The following FAT3 variants were observed in gnomAD, a reference collection of about 807,000 sequenced individuals.
The protein encoded by FAT3 is protocadherin Fat 3.
In FAT3, 95 loss-of-function variants were observed where a neutral mutation model predicts 310.2. The observed-to-expected ratio is 0.31, with a 90% CI of 0.26 to 0.36. The LOEUF (loss-of-function observed/expected upper bound fraction) is 0.36. Ranked by LOEUF, FAT3 falls within the 10% of genes least tolerant of loss-of-function variation. FAT3 has a pLI of 1.00. For synonymous variants in FAT3, 2,314 were observed against 2,192.9 expected (o/e 1.06, Z -1.54); for missense variants, 5,408 against 5,715.6 (o/e 0.95, Z 1.74).
At chr11:92,788,682 A>G (rs1331189744) in intron 7 of FAT3, among the ~76,000 whole-genome samples, 1 of 152,150 alleles carries the variant, frequency 6.6e-6, no homozygotes, top group African/African-American at 2.4e-5. Flanking sequence ...TTTGTCAAAG[A>G]AAAAGAAACA....
At chr11:92,262,922 G>C (rs1383884165) in intron 1 of FAT3, among the ~76,000 whole-genome samples, 1 of 151,956 alleles carries the variant, frequency 6.6e-6, no homozygotes, top group Non-Finnish European at 1.5e-5. Flanking sequence ...TGTCGTCAAG[G>C]TGGCTACCGA....
intron 1 of FAT3, among the ~76,000 whole-genome samples, chr11:92,351,385 CA>C (rs1948562253): frequency 6.6e-6 from 1 of 152,078 alleles, no homozygotes; most frequent in Admixed American, 6.6e-5. Flanking sequence ...GAACAATGTT[CA>C]TTGAAGAAAA....
At chr11:92,533,610 A>C (rs1464503423) in intron 3 of FAT3, among the ~76,000 whole-genome samples, 1 of 152,202 alleles carries the variant, frequency 6.6e-6, no homozygotes, top group African/African-American at 2.4e-5. Context: ...GAAGAGAGGA[A>C]TCAGCAGTCA....
chr11:92,317,767 G>A (rs569154801), intron 1 of FAT3, among the ~76,000 whole-genome samples: 2 of 152,240 alleles, frequency 1.3e-5, no homozygotes, highest in South Asian at 2.1e-4. Context: ...GATCAAAGTG[G>A]GGGCACTGGT....
chr11:92,479,352 A>G (rs1198371156), intron 2 of FAT3, among the ~76,000 whole-genome samples: 3 of 151,974 alleles, frequency 2.0e-5, no homozygotes, highest in African/African-American at 7.2e-5. Flanking sequence ...TAAAATGTTC[A>G]GTGACTTGCC....
chr11:92,285,037 T>C (rs2134376087), intron 1 of FAT3, among the ~76,000 whole-genome samples: 1 of 152,262 alleles, frequency 6.6e-6, no homozygotes, highest in Middle Eastern at 3.4e-3. Context: ...TCTGGTTCCT[T>C]CCCTCAGTGG....
At chr11:92,717,780 A>G (rs1219502235) in intron 4 of FAT3, among the ~76,000 whole-genome samples, 2 of 152,176 alleles carry the variant, frequency 1.3e-5, no homozygotes, top group Non-Finnish European at 1.5e-5. Flanking sequence ...GACAAAGATG[A>G]GTAAGATTTG....
chr11:92,297,654 T>C (rs1778385404), intron 1 of FAT3, among the ~76,000 whole-genome samples: 1 of 152,160 alleles, frequency 6.6e-6, no homozygotes, highest in Admixed American at 6.6e-5. Flanking sequence ...ATGACAATTT[T>C]CTAAGCCTGC....
At chr11:92,620,545 G>C (rs1941037905) in intron 3 of FAT3, among the ~76,000 whole-genome samples, 1 of 151,940 alleles carries the variant, frequency 6.6e-6, no homozygotes, top group Non-Finnish European at 1.5e-5. Context: ...CAATAATCTT[G>C]ATTTTTTTTA....
Position 92,768,284 on chromosome 11 carries a change from A to G in FAT3, c.4195+3195A>G, listed in dbSNP as rs979678214. Reference sequence around the variant, plus strand: ...AACATCTAGCCAAGCTTCTTTTCCAAATTGAACTTACTGGGCCAGATGCCC... The same window carrying G: ...AACATCTAGCCAAGCTTCTTTTCCAGATTGAACTTACTGGGCCAGATGCCC... On this transcript the variant is annotated intron_variant, in intron 6 of 27. Coordinates refer to ENST00000525166, the MANE Select transcript of FAT3 (RefSeq NM_001367949.2). 2.6e-5 allele frequency among the ~76,000 whole-genome samples: 4 copies of G among 152,262 alleles called. No individual in the cohort carries two copies. The South Asian group carries it at 8.3e-4, about 32-fold the overall frequency.
chr11:92,690,101 C>T (rs1176300883), intron 3 of FAT3, among the ~76,000 whole-genome samples: 5 of 152,196 alleles, frequency 3.3e-5, no homozygotes, highest in African/African-American at 7.2e-5. Context: ...CTACCTGTAG[C>T]GGCTACAGAA....
chr11:92,555,070 C>G (rs1477461943), intron 3 of FAT3, among the ~76,000 whole-genome samples: 1 of 152,216 alleles, frequency 6.6e-6, no homozygotes, highest in Non-Finnish European at 1.5e-5. Flanking sequence ...ACCACACACA[C>G]CCACTATACA....
At chr11:92,730,027 A>G (rs1038135905) in intron 4 of FAT3, among the ~76,000 whole-genome samples, 1 of 152,138 alleles carries the variant, frequency 6.6e-6, no homozygotes, top group Admixed American at 6.6e-5. Context: ...TAAAACATAC[A>G]TAACATATAT....
intron 3 of FAT3, among the ~76,000 whole-genome samples, chr11:92,631,007 A>C (rs1218389130): frequency 1.3e-5 from 2 of 152,196 alleles, no homozygotes; most frequent in Non-Finnish European, 2.9e-5. Context: ...AACATGTTTA[A>C]AATGTGAATT....
At chr11:92,366,452 G>A (rs1949025077) in intron 2 of FAT3, 2 of 381,894 alleles carry the variant, frequency 5.2e-6, no homozygotes, top group Non-Finnish European at 5.2e-6. Flanking sequence ...GGATGTGACA[G>A]ACAGGGAGGG....
chr11:92,568,314 G>T (rs950185770), intron 3 of FAT3, among the ~76,000 whole-genome samples: 2 of 152,076 alleles, frequency 1.3e-5, no homozygotes, highest in East Asian at 3.9e-4. Context: ...CATGGATATT[G>T]TCCCTTTATC....
In FAT3 at chr11:92,753,617, A is replaced by G. The variant is rs935949750; in HGVS notation, c.3670-8239A>G. Among the ~76,000 whole-genome samples, 20 of 152,206 alleles carry G rather than the reference A, an allele frequency of 1.3e-4. No individual in the cohort carries two copies. The East Asian group carries it at 3.7e-3, about 28-fold the overall frequency. ...GGAATCCCTTGTACACTGTTTTCCC[A>G]GTGTAAATTAGGACAGCCATAATGG... is the stretch of plus-strand genomic sequence containing the variant. On this transcript the variant is annotated intron_variant, in intron 4 of 27. Transcript: ENST00000525166.
At chr11:92,433,875 A>T (rs1177970148) in intron 2 of FAT3, among the ~76,000 whole-genome samples, 2 of 151,712 alleles carry the variant, frequency 1.3e-5, no homozygotes. Flanking sequence ...AATTAGCTGG[A>T]TGTGGTAGTG....
chr11:92,800,004 T>C lies in FAT3; in HGVS notation c.6991T>C (p.Tyr2331His). Residue 2331 changes from tyrosine (Y) to histidine (H), a missense_variant, in exon 10 of 28, where the codon TAC becomes CAC. Coordinates refer to ENST00000525166, the MANE Select transcript of FAT3 (RefSeq NM_001367949.2). ...ACATTATCAGATTGTCCAGGATACC[T>C]ACAATAGCACAGATTATTTTCACAT... The part of the protein sequence containing the change: ...MVHYQIVQDT[Y>H]NSTDYFHIDS... 1 of 1,613,940 alleles carries C rather than the reference T, an allele frequency of 6.2e-7. No individual in the cohort carries two copies. Among genetic ancestry groups the C allele is most frequent in the African/African-American group, 1.3e-5 (1 of 75,060 alleles).
Sources: allele counts gnomAD v4.1 joint callset (sites outside exome capture counted in the v4.1 genomes callset), GRCh38; gene constraint gnomAD v4.1.1; transcripts MANE v1.5; gene names NCBI Gene and HGNC (gene_info 2026-07-23, HGNC 2026-07-21).